Variants in PAK1 observed in about 807,000 individuals in gnomAD.
PAK1 encodes the protein serine/threonine-protein kinase PAK 1.
PAK1 carries 29 observed loss-of-function variants against 67.4 expected under a neutral mutation model. That is an observed-to-expected ratio of 0.43 (90% confidence interval 0.32 to 0.59). PAK1 has a LOEUF of 0.59. Among genes scored for constraint, PAK1 ranks in the 20% least tolerant of loss-of-function variants. The probability of loss-of-function intolerance (pLI) is 0.07; values close to 1 mark genes in which losing one functional copy is unlikely to be tolerated. For missense variants in PAK1, 337 were observed against 670.7 expected, an observed-to-expected ratio of 0.50 and a Z score of 5.50; for synonymous variants, 223 against 237.4, an observed-to-expected ratio of 0.94 and a Z score of 0.56.
intron 4 of PAK1, among the ~76,000 whole-genome samples, chr11:77,376,476 C>A (rs866932552): frequency 6.6e-6 from 1 of 152,142 alleles, no homozygotes; most frequent in South Asian, 2.1e-4. Context: ...ACATGGCTCA[C>A]GCCTGTAATC....
intron 1 of PAK1, among the ~76,000 whole-genome samples, chr11:77,404,732 T>C (rs1953223556): frequency 6.6e-6 from 1 of 152,220 alleles, no homozygotes; most frequent in South Asian, 2.1e-4. Context: ...TTCTCTCTTA[T>C]CCCTGTATTC....
chr11:77,425,143 T>A (rs1955481260), intron 1 of PAK1, among the ~76,000 whole-genome samples: 1 of 152,164 alleles, frequency 6.6e-6, no homozygotes, highest in Non-Finnish European at 1.5e-5. Flanking sequence ...TGATAATAAA[T>A]AAGTCCTTTA....
the PAK1 span, among the ~76,000 whole-genome samples, chr11:77,491,107 A>G: frequency 6.6e-6 from 1 of 151,510 alleles, no homozygotes; most frequent in South Asian, 2.1e-4. Flanking sequence ...TCTGTGAGAA[A>G]CACCCAAGAA....
Position 77,379,405 on chromosome 11 carries a change from C to T in PAK1, c.292-17G>A, listed in dbSNP as rs7112668. On this transcript the variant is annotated splice_polypyrimidine_tract_variant and intron_variant, in intron 3 of 14. Coordinates refer to ENST00000356341, the MANE Select transcript of PAK1 (RefSeq NM_002576.5). ...TGGCATTCCCTGTAAGAGAGACATG[C>T]AAGACTAACAGGAAGGCACAGTCAC... 1 of 1,606,118 alleles carries T rather than the reference C, an allele frequency of 6.2e-7. No homozygotes were observed. The highest frequency in any genetic ancestry group is 8.5e-7 in the Non-Finnish European group (1 of 1,176,080).
chr11:77,516,643 G>C, the PAK1 span, among the ~76,000 whole-genome samples: 5 of 152,172 alleles, frequency 3.3e-5, no homozygotes, highest in African/African-American at 4.8e-5. Flanking sequence ...AATGTTAATT[G>C]AATAAATGAA....
At chr11:77,449,699 A>AG (rs1183679700) in intron 1 of PAK1, among the ~76,000 whole-genome samples, 1 of 151,550 alleles carries the variant, frequency 6.6e-6, no homozygotes, top group Non-Finnish European at 1.5e-5. Flanking sequence ...GGTAAAAAAA[A>AG]AAAAAAAAAA....
rs762128146 is a variant in PAK1, at chr11:77,340,699, C to A, written c.1063G>T (p.Val355Leu). The A allele has an allele frequency of 6.2e-7, 1 of 1,612,530 alleles. No homozygotes were observed. Among genetic ancestry groups the A allele is most frequent in the South Asian group, 1.1e-5 (1 of 91,054 alleles). The change falls in exon 11 of 15, where the codon GTG (valine) becomes TTG (leucine). Residue 355 changes from valine (V) to leucine (L), a missense_variant. Transcript: ENST00000356341. ...TCATCCATGCAAGTTTCTGTCACCA[C>A]ATCTGTCAAGGAGCCTCCAGCCAAG... ...EYLAGGSLTD[V>L]VTETCMDEGQ...
chr11:77,394,829 GCAAGACTCTGTCTCAAAAA>G (rs1333269226), intron 1 of PAK1, among the ~76,000 whole-genome samples: 1 of 150,932 alleles, frequency 6.6e-6, no homozygotes, highest in East Asian at 1.9e-4. Flanking sequence ...TGGAGACAGA[GCAAGACTCTGTCTCAAAAA>G]CAAAACAAAA....
At chr11:77,456,331 T>C (rs557856272) in intron 1 of PAK1, among the ~76,000 whole-genome samples, 43 of 152,096 alleles carry the variant, frequency 2.8e-4, no homozygotes, top group Admixed American at 4.6e-4. Flanking sequence ...TGCATATTCA[T>C]ATAAACAACA....
intron 1 of PAK1, among the ~76,000 whole-genome samples, chr11:77,402,276 C>T (rs1405593114): frequency 3.9e-5 from 6 of 152,078 alleles, no homozygotes; most frequent in South Asian, 2.1e-4. Context: ...GAAGTGGAAA[C>T]GGCAGAGAAA....
intron 1 of PAK1, among the ~76,000 whole-genome samples, chr11:77,398,282 G>A (rs1168005662): frequency 1.3e-5 from 2 of 151,860 alleles, no homozygotes; most frequent in Non-Finnish European, 2.9e-5. Context: ...CCAGCCACTG[G>A]TAACCATCCT....
the PAK1 span, among the ~76,000 whole-genome samples, chr11:77,490,593 C>A: frequency 6.6e-6 from 1 of 151,904 alleles, no homozygotes; most frequent in Non-Finnish European, 1.5e-5. Context: ...AAGTGAGGAG[C>A]CCCTCTGCCC....
At chr11:77,475,139 G>A (rs1409488522), upstream of PAK1, 1 of 151,856 alleles carries the variant, frequency 6.6e-6, no homozygotes, top group East Asian at 1.9e-4. Context: ...TGCTTCTTAC[G>A]TTCCTTTCCG....
intron 1 of PAK1, among the ~76,000 whole-genome samples, chr11:77,411,001 T>C (rs543073272): frequency 6.6e-6 from 1 of 152,144 alleles, no homozygotes; most frequent in South Asian, 2.1e-4. Context: ...TTTAGAATCA[T>C]TAACATACCT....
the PAK1 span, among the ~76,000 whole-genome samples, chr11:77,491,626 T>TTA: frequency 6.6e-6 from 1 of 152,164 alleles, no homozygotes; most frequent in Admixed American, 6.5e-5. Context: ...TGTCATCAGT[T>TTA]TAAAAAATGG....
chr11:77,339,292 A>C (rs112959013), intron 11 of PAK1, among the ~76,000 whole-genome samples: 4,718 of 152,212 alleles, frequency 0.031, 127 homozygotes, highest in African/African-American at 0.076. Context: ...ATGTATTCTC[A>C]ACTAGTGAAA....
At chr11:77,334,320 C>A (rs1309431100) in intron 13 of PAK1, among the ~76,000 whole-genome samples, 1 of 152,086 alleles carries the variant, frequency 6.6e-6, no homozygotes, top group Non-Finnish European at 1.5e-5. Flanking sequence ...TATGTGGAGT[C>A]AGAGGCAAAG....
chr11:77,522,292 T>C, the PAK1 span, among the ~76,000 whole-genome samples: 4 of 152,184 alleles, frequency 2.6e-5, no homozygotes, highest in African/African-American at 9.7e-5. Flanking sequence ...GAAAGTAACA[T>C]TCTTTACTCA....
intron 2 of PAK1, among the ~76,000 whole-genome samples, chr11:77,389,267 T>C (rs1475027909): frequency 6.6e-6 from 1 of 152,260 alleles, no homozygotes; most frequent in East Asian, 1.9e-4. Flanking sequence ...CAGAACTTCA[T>C]GTCTTTGTTA....
Sources: gnomAD v4.1 joint callset for allele counts (sites outside exome capture counted in the v4.1 genomes callset) on GRCh38, gnomAD v4.1.1 for gene constraint, MANE v1.5 for transcripts, NCBI Gene and HGNC (gene_info 2026-07-23, HGNC 2026-07-21) for gene names.